The following PLXDC2 variants were observed in gnomAD, a reference collection of about 807,000 sequenced individuals.
PLXDC2 encodes the protein plexin domain-containing protein 2.
A neutral mutation model predicts 68.9 loss-of-function variants in PLXDC2; 40 were observed. The observed-to-expected ratio is 0.58, with a 90% CI of 0.45 to 0.76. The LOEUF is 0.76. Among genes scored for constraint, PLXDC2 ranks in the 30% least tolerant of loss-of-function variants. The pLI is 0.00. For missense variants in PLXDC2, 644 were observed against 661.9 expected (o/e 0.97, Z 0.30); for synonymous variants, 243 against 234.2 (o/e 1.04, Z -0.34).
At chr10:19,924,232 C>G (rs1833504531) in intron 1 of PLXDC2, among the ~76,000 whole-genome samples, 1 of 152,154 alleles carries the variant, frequency 6.6e-6, no homozygotes. Context: ...TGAGTTGCCT[C>G]CCATCTCTCA....
intron 13 of PLXDC2, among the ~76,000 whole-genome samples, chr10:20,263,055 T>C (rs1027900954): frequency 4.6e-5 from 7 of 152,110 alleles, no homozygotes; most frequent in Non-Finnish European, 4.4e-5. Context: ...CAAAAAGCAA[T>C]CCTGAGCAAA....
At chr10:20,154,063 C>T (rs572271517) in intron 6 of PLXDC2, among the ~76,000 whole-genome samples, 19 of 151,996 alleles carry the variant, frequency 1.3e-4, no homozygotes, top group African/African-American at 2.4e-4. Context: ...AAAAAAAAAC[C>T]GGATCCTTTC....
chr10:20,033,209 A>T (rs1234181975), intron 2 of PLXDC2, among the ~76,000 whole-genome samples: 7 of 151,782 alleles, frequency 4.6e-5, no homozygotes, highest in Non-Finnish European at 1.0e-4. Context: ...AATAAAATAA[A>T]AAAATAAAAT....
intron 9 of PLXDC2, among the ~76,000 whole-genome samples, chr10:20,206,799 T>C (rs1174744716): frequency 6.6e-6 from 1 of 151,880 alleles, no homozygotes; most frequent in Non-Finnish European, 1.5e-5. Flanking sequence ...TTAAAAATGT[T>C]GGAAAACAAT....
chr10:20,210,352 A>G (rs1293176664), intron 9 of PLXDC2, among the ~76,000 whole-genome samples: 2 of 152,132 alleles, frequency 1.3e-5, no homozygotes, highest in Non-Finnish European at 2.9e-5. Flanking sequence ...GTACTCACCT[A>G]TTTTCAGACC....
chr10:20,219,335 A>G (rs890080721), intron 12 of PLXDC2, among the ~76,000 whole-genome samples: 3 of 152,188 alleles, frequency 2.0e-5, no homozygotes, highest in Admixed American at 1.3e-4. Flanking sequence ...ATAAAGTGGA[A>G]AATTCAACCA....
rs1244007518 is a variant in PLXDC2 at position 20,280,656 on chromosome 10, C to T, written c.*837C>T. On this transcript the variant is annotated 3_prime_UTR_variant, in exon 14 of 14. Transcript: ENST00000377252. ...TCCCCAACTGTTAAGTCCCATGAAA[C>T]CACAGTTGCTCTGGGCTGATGGAAA... 1 of 152,032 alleles carries T rather than the reference C, an allele frequency of 6.6e-6. No homozygotes were observed. The highest frequency in any genetic ancestry group is 1.5e-5 in the Non-Finnish European group (1 of 68,010). The allele number at this position is 152,032 out of a possible 1,614,324, so 9.4% of individuals were successfully genotyped here. A position where few individuals can be genotyped will look rare whatever the true frequency, so the allele number is the denominator to read the frequency against.
At chr10:20,124,040 G>A (rs997961825) in intron 4 of PLXDC2, among the ~76,000 whole-genome samples, 19 of 151,956 alleles carry the variant, frequency 1.3e-4, no homozygotes, top group African/African-American at 3.9e-4. Context: ...GTAGAGACAC[G>A]GAGAGAAGGG....
intron 6 of PLXDC2, among the ~76,000 whole-genome samples, chr10:20,148,960 C>A (rs1834114460): frequency 6.6e-6 from 1 of 151,782 alleles, no homozygotes; most frequent in Admixed American, 6.6e-5. Context: ...TATTTCTATT[C>A]CTTTAAAAAC....
chr10:19,976,314 A>G (rs1447979807), intron 1 of PLXDC2, among the ~76,000 whole-genome samples: 1 of 152,044 alleles, frequency 6.6e-6, no homozygotes, highest in East Asian at 1.9e-4. Flanking sequence ...CCGAGGTTCA[A>G]GTGATTCTCA....
At chr10:19,872,272 C>T (rs188058985) in intron 1 of PLXDC2, among the ~76,000 whole-genome samples, 53 of 152,292 alleles carry the variant, frequency 3.5e-4, no homozygotes, top group East Asian at 1.9e-3. Context: ...CCTGAGGTGA[C>T]GTTCAGCCCC....
chr10:19,983,035 T>C (rs1033359196), intron 1 of PLXDC2, among the ~76,000 whole-genome samples: 3 of 152,220 alleles, frequency 2.0e-5, no homozygotes, highest in Non-Finnish European at 4.4e-5. Flanking sequence ...ACACCATTTA[T>C]ATGTTCTTTA....
At chr10:19,862,586 G>A (rs1837337619) in intron 1 of PLXDC2, among the ~76,000 whole-genome samples, 2 of 152,134 alleles carry the variant, frequency 1.3e-5, no homozygotes, top group African/African-American at 2.4e-5. Context: ...ATTTGAATCA[G>A]CTCATGAATC....
At position 19,816,901 on chromosome 10, in the gene PLXDC2, C is replaced by A; in HGVS notation, c.-179C>A. 2 of 601,420 alleles carry A rather than the reference C, an allele frequency of 3.3e-6. No individual in the cohort carries two copies. The highest frequency in any genetic ancestry group is 5.9e-6 in the Non-Finnish European group (2 of 338,724). 37.3% of individuals were successfully genotyped at this position (601,420 alleles called of 1,614,324 possible). ...GTCCGAAGAGCGCTGCGCTCCTACT[C>A]GCGTTCGCTTCTTCCTCTTCTCGGT... On this transcript the variant is annotated 5_prime_UTR_variant, in exon 1 of 14. Transcript: ENST00000377252.
At chr10:19,829,783 G>A (rs554721316) in intron 1 of PLXDC2, among the ~76,000 whole-genome samples, 1 of 152,236 alleles carries the variant, frequency 6.6e-6, no homozygotes, top group South Asian at 2.1e-4. Flanking sequence ...GAGATGGAGT[G>A]ACTGCAAAGT....
intron 1 of PLXDC2, among the ~76,000 whole-genome samples, chr10:19,864,591 T>G (rs967238125): frequency 6.6e-6 from 1 of 152,204 alleles, no homozygotes; most frequent in Admixed American, 6.5e-5. Flanking sequence ...GATGAGATGC[T>G]GATATTTGGC....
intron 1 of PLXDC2, among the ~76,000 whole-genome samples, chr10:19,981,134 T>G (rs543342964): frequency 6.6e-6 from 1 of 152,344 alleles, no homozygotes; most frequent in Admixed American, 6.5e-5. Context: ...TGACAATTAC[T>G]GACAGCCATT....
intron 2 of PLXDC2, among the ~76,000 whole-genome samples, chr10:20,022,514 C>A (rs780116025): frequency 6.6e-5 from 10 of 152,070 alleles, no homozygotes; most frequent in Non-Finnish European, 1.2e-4. Context: ...TTCTTTGGAA[C>A]CTGATGTATT....
At chr10:19,997,413 G>C (rs1423685134) in intron 1 of PLXDC2, among the ~76,000 whole-genome samples, 1 of 152,146 alleles carries the variant, frequency 6.6e-6, no homozygotes, top group Admixed American at 6.5e-5. Context: ...ATAGTGATTT[G>C]GTTCACTTGA....
Sources: allele counts gnomAD v4.1 joint callset (sites outside exome capture counted in the v4.1 genomes callset), GRCh38; gene constraint gnomAD v4.1.1; transcripts MANE v1.5; gene names NCBI Gene and HGNC (gene_info 2026-07-23, HGNC 2026-07-21).